The following NRXN3 variants were observed in gnomAD, a reference collection of about 807,000 sequenced individuals.
NRXN3 encodes neurexin III.
In NRXN3, 32 loss-of-function variants were observed where a neutral mutation model predicts 137.6. The observed-to-expected ratio is 0.23, with a 90% CI of 0.18 to 0.31. The LOEUF is 0.31. Ranked by LOEUF, NRXN3 falls within the 10% of genes least tolerant of loss-of-function variation. The pLI is 1.00. For synonymous variants in NRXN3, 798 were observed against 784.5 expected, an observed-to-expected ratio of 1.02 and a Z score of -0.29; for missense variants, 1,574 against 2,062.5, an observed-to-expected ratio of 0.76 and a Z score of 4.59.
chr14:78,946,432 G>A (rs2099365399), intron 10 of NRXN3, among the ~76,000 whole-genome samples: 1 of 152,194 alleles, frequency 6.6e-6, no homozygotes, highest in South Asian at 2.1e-4. Context: ...TCTTCCACAT[G>A]ATTGGTGTTT....
At chr14:79,388,620 A>G (rs894503848) in intron 15 of NRXN3, among the ~76,000 whole-genome samples, 1 of 152,044 alleles carries the variant, frequency 6.6e-6, no homozygotes, top group African/African-American at 2.4e-5. Flanking sequence ...GACTCATGCT[A>G]GATCTCGGTT....
chr14:79,092,975 C>T (rs2049497718), intron 15 of NRXN3, among the ~76,000 whole-genome samples: 1 of 152,132 alleles, frequency 6.6e-6, no homozygotes, highest in South Asian at 2.1e-4. Flanking sequence ...TGAGTGTGTC[C>T]AGAGAACCAG....
At chr14:79,195,953 G>C (rs960335545) in intron 15 of NRXN3, among the ~76,000 whole-genome samples, 4 of 152,192 alleles carry the variant, frequency 2.6e-5, no homozygotes, top group Non-Finnish European at 5.9e-5. Flanking sequence ...TTACAGATTA[G>C]TTTTTGCTGG....
intron 15 of NRXN3, among the ~76,000 whole-genome samples, chr14:79,348,521 G>A (rs568982730): frequency 5.3e-4 from 80 of 151,804 alleles, no homozygotes; most frequent in Non-Finnish European, 9.9e-4. Context: ...GACTACAGGC[G>A]CCCGCCACCA....
At chr14:78,678,483 G>A (rs1461136610) in intron 6 of NRXN3, among the ~76,000 whole-genome samples, 3 of 152,028 alleles carry the variant, frequency 2.0e-5, no homozygotes, top group Non-Finnish European at 4.4e-5. Flanking sequence ...TTGTGCCAGA[G>A]TTTATCTAGT....
intron 15 of NRXN3, among the ~76,000 whole-genome samples, chr14:79,065,440 C>G (rs2099679578): frequency 6.6e-6 from 1 of 152,062 alleles, no homozygotes; most frequent in African/African-American, 2.4e-5. Flanking sequence ...TGAGTAAATG[C>G]AGAAAGGGTG....
At chr14:79,003,634 G>A (rs1211248225) in intron 15 of NRXN3, among the ~76,000 whole-genome samples, 1 of 152,084 alleles carries the variant, frequency 6.6e-6, no homozygotes, top group Non-Finnish European at 1.5e-5. Context: ...GAACTATGGG[G>A]TTTCTGGTTT....
At chr14:78,821,064 T>G (rs879674948) in intron 10 of NRXN3, among the ~76,000 whole-genome samples, 7 of 152,192 alleles carry the variant, frequency 4.6e-5, no homozygotes, top group Non-Finnish European at 8.8e-5. Context: ...ATGAGTACTC[T>G]TTTGTCCCCT....
intron 7 of NRXN3, among the ~76,000 whole-genome samples, chr14:78,713,715 G>A (rs903601332): frequency 6.6e-6 from 1 of 152,184 alleles, no homozygotes; most frequent in East Asian, 1.9e-4. Flanking sequence ...AAGCAAACAC[G>A]TCCTTCTTCA....
intron 1 of NRXN3, among the ~76,000 whole-genome samples, chr14:78,172,192 A>G (rs1042676578): frequency 7.2e-5 from 11 of 152,074 alleles, no homozygotes; most frequent in African/African-American, 2.7e-4. Flanking sequence ...TTTGTGATGA[A>G]GGTTCCAGTG....
chr14:78,408,020 G>T (rs546297089), intron 4 of NRXN3, among the ~76,000 whole-genome samples: 11 of 152,220 alleles, frequency 7.2e-5, no homozygotes, highest in African/African-American at 2.4e-4. Flanking sequence ...GATAGACATG[G>T]GTTGGTATTT....
At position 78,683,900 on chromosome 14, in the gene NRXN3, T is replaced by G. The variant is rs1260574929; in HGVS notation, c.1222-25317T>G. ...ATTTTATGTTAGTTACATCTTAGATTGATGATTCCCTGGTGGAATTTGGAA... is the reference window on the plus strand; with the variant it reads ...ATTTTATGTTAGTTACATCTTAGATGGATGATTCCCTGGTGGAATTTGGAA... On this transcript the variant is annotated intron_variant, in intron 6 of 20. Coordinates refer to ENST00000335750, the MANE Select transcript of NRXN3 (RefSeq NM_001330195.2). Among the ~76,000 whole-genome samples the G allele has an allele frequency of 3.3e-5, 5 of 152,242 alleles. 1 individual carries two copies. The highest frequency in any genetic ancestry group is 1.2e-4 in the African/African-American group (5 of 41,452).
intron 6 of NRXN3, among the ~76,000 whole-genome samples, chr14:78,654,878 A>C (rs1227080826): frequency 6.6e-6 from 1 of 152,206 alleles, no homozygotes; most frequent in Non-Finnish European, 1.5e-5. Flanking sequence ...GCTTTTAGGT[A>C]CTATTGACCA....
intron 4 of NRXN3, among the ~76,000 whole-genome samples, chr14:78,408,582 C>T: frequency 6.6e-6 from 1 of 152,192 alleles, no homozygotes; most frequent in East Asian, 1.9e-4. Context: ...CCTCTGAAAA[C>T]AGAAACACCT....
chr14:79,583,856 G>A (rs977820219), intron 16 of NRXN3, among the ~76,000 whole-genome samples: 5 of 152,152 alleles, frequency 3.3e-5, no homozygotes, highest in African/African-American at 1.2e-4. Context: ...ATCAACAGGA[G>A]AGAGAGAATA....
At chr14:79,337,076 A>G (rs1479704553) in intron 15 of NRXN3, among the ~76,000 whole-genome samples, 1 of 152,196 alleles carries the variant, frequency 6.6e-6, no homozygotes, top group African/African-American at 2.4e-5. Flanking sequence ...ATTCTGTCGT[A>G]TATTTCTATT....
intron 8 of NRXN3, among the ~76,000 whole-genome samples, chr14:78,765,801 A>C (rs977399827): frequency 1.3e-5 from 2 of 151,994 alleles, no homozygotes; most frequent in African/African-American, 4.8e-5. Flanking sequence ...TCCCCCATCC[A>C]TTATTTCTTT....
intron 10 of NRXN3, among the ~76,000 whole-genome samples, chr14:78,956,599 G>A (rs1242186603): frequency 6.6e-6 from 1 of 152,186 alleles, no homozygotes; most frequent in East Asian, 1.9e-4. Flanking sequence ...TTTGGAGGAT[G>A]ATGAACAATG....
intron 4 of NRXN3, among the ~76,000 whole-genome samples, chr14:78,385,334 C>T (rs942399171): frequency 9.2e-5 from 12 of 130,404 alleles, no homozygotes; most frequent in East Asian, 2.1e-4. Flanking sequence ...CACACACACA[C>T]GCATATAAAA....
Sources: allele counts gnomAD v4.1 joint callset (sites outside exome capture counted in the v4.1 genomes callset), GRCh38; gene constraint gnomAD v4.1.1; transcripts MANE v1.5; gene names NCBI Gene and HGNC (gene_info 2026-07-23, HGNC 2026-07-21).